Variants in QRICH1 observed in about 807,000 individuals in gnomAD.
The protein encoded by QRICH1 is transcriptional regulator QRICH1.
Under a neutral mutation model 87.1 loss-of-function variants are expected in QRICH1, and 16 were observed. The ratio of observed to expected loss-of-function variants is 0.18; its 90% CI spans 0.12 to 0.28. The LOEUF is 0.28. Ranked by LOEUF, QRICH1 falls within the 10% of genes least tolerant of loss-of-function variation. QRICH1 has a pLI of 1.00. For synonymous variants in QRICH1, 367 were observed against 368.4 expected, an observed-to-expected ratio of 1.00 and a Z score of 0.05; for missense variants, 647 against 951.7, an observed-to-expected ratio of 0.68 and a Z score of 4.21.
At chr3:49,069,055 A>G (rs1470297114) in intron 2 of QRICH1, among the ~76,000 whole-genome samples, 1 of 151,748 alleles carries the variant, frequency 6.6e-6, no homozygotes, top group Non-Finnish European at 1.5e-5. Flanking sequence ...AACTACTTGA[A>G]TAAGGCAAAA....
intron 3 of QRICH1, 175 bp downstream of exon 3, chr3:49,056,685 CTT>C (rs1404916330): frequency 4.2e-6 from 5 of 1,182,982 alleles, no homozygotes; most frequent in Non-Finnish European, 5.9e-6. Flanking sequence ...AGGATAAACT[CTT>C]TTTTCTGTTG....
intron 2 of QRICH1, among the ~76,000 whole-genome samples, chr3:49,069,135 G>A (rs1236860412): frequency 9.7e-6 from 1 of 102,880 alleles, no homozygotes; most frequent in African/African-American, 3.5e-5. Context: ...AGATAGTCTT[G>A]TTCTGTCGCC....
At chr3:49,032,162 C>T (rs752909403) in intron 9 of QRICH1, 21 bp downstream of exon 9, 19 of 1,571,596 alleles carry the variant, frequency 1.2e-5, no homozygotes, top group Non-Finnish European at 1.6e-5. Flanking sequence ...ACATGGACAG[C>T]AAGTCACAAT....
intron 3 of QRICH1, among the ~76,000 whole-genome samples, chr3:49,051,584 G>T (rs921826419): frequency 1.8e-5 from 1 of 57,006 alleles, no homozygotes; most frequent in African/African-American, 6.8e-5. Flanking sequence ...CCCCCCCTGC[G>T]CCCCCCCCCC....
intron 1 of QRICH1, among the ~76,000 whole-genome samples, chr3:49,077,932 C>A (rs1386449475): frequency 6.6e-6 from 1 of 152,038 alleles, no homozygotes; most frequent in East Asian, 1.9e-4. Context: ...TATTTAATTA[C>A]CTTAAGAATT....
intron 3 of QRICH1, among the ~76,000 whole-genome samples, chr3:49,048,329 T>C (rs2093350395): frequency 1.3e-5 from 2 of 151,250 alleles, no homozygotes; most frequent in African/African-American, 4.9e-5. Context: ...ATGGGGTTTC[T>C]CCATGTTGGT....
chr3:49,064,697 A>C (rs1269392987), intron 2 of QRICH1, among the ~76,000 whole-genome samples: 1 of 152,110 alleles, frequency 6.6e-6, no homozygotes, highest in Non-Finnish European at 1.5e-5. Flanking sequence ...AACCCCGTCT[A>C]TACTAAAACA....
intron 1 of QRICH1, among the ~76,000 whole-genome samples, chr3:49,085,463 A>T (rs1015640802): frequency 1.1e-4 from 16 of 152,224 alleles, no homozygotes; most frequent in African/African-American, 3.9e-4. Context: ...AATCTGAAAG[A>T]AACTAAACCT....
chr3:49,088,683 T>C (rs547285908), intron 1 of QRICH1, among the ~76,000 whole-genome samples: 4 of 148,878 alleles, frequency 2.7e-5, no homozygotes, highest in African/African-American at 5.0e-5. Flanking sequence ...TAAAATGCAG[T>C]GGTGCATTCA....
intron 2 of QRICH1, among the ~76,000 whole-genome samples, chr3:49,058,317 A>G (rs893515774): frequency 3.3e-5 from 5 of 151,496 alleles, no homozygotes; most frequent in Non-Finnish European, 7.4e-5. Context: ...TAACAAGGAA[A>G]TATCAAAACT....
At chr3:49,064,689 C>T (rs1009522291) in intron 2 of QRICH1, among the ~76,000 whole-genome samples, 1 of 152,044 alleles carries the variant, frequency 6.6e-6, no homozygotes, top group African/African-American at 2.4e-5. Context: ...CACGGTGAAA[C>T]CCCGTCTATA....
intron 2 of QRICH1, among the ~76,000 whole-genome samples, chr3:49,061,308 CAT>C (rs2093433377): frequency 6.6e-6 from 1 of 152,008 alleles, no homozygotes; most frequent in African/African-American, 2.4e-5. Flanking sequence ...GCTTACTTAA[CAT>C]ATGTTTAATG....
chr3:49,050,957 A>G (rs1001168148), intron 3 of QRICH1, among the ~76,000 whole-genome samples: 1 of 152,088 alleles, frequency 6.6e-6, no homozygotes. Flanking sequence ...GGAGCAACCC[A>G]TCTTTCCCCC....
At chr3:49,071,366 A>T (rs1329694836) in intron 2 of QRICH1, among the ~76,000 whole-genome samples, 1 of 152,068 alleles carries the variant, frequency 6.6e-6, no homozygotes, top group Non-Finnish European at 1.5e-5. Context: ...TAATCTTATG[A>T]GAAAGCGGGG....
chr3:49,041,437 C>T lies in QRICH1; in HGVS notation c.1786+2953G>A, dbSNP rs184549134. Among the ~76,000 whole-genome samples the T allele has an allele frequency of 1.2e-4, 19 of 152,186 alleles. No homozygotes were observed. In the East Asian group the frequency reaches 3.5e-3, roughly 28 times the overall value. ...TGAACTCCTGGGCTCAAGCAATCCT[C>T]TCACCATGGCCTCCCGAAATACTGG... is the stretch of plus-strand genomic sequence containing the variant. On this transcript the variant is annotated intron_variant, in intron 6 of 9. Transcript: ENST00000395443.
At chr3:49,085,604 A>G (rs2042153865) in intron 1 of QRICH1, among the ~76,000 whole-genome samples, 3 of 151,880 alleles carry the variant, frequency 2.0e-5, no homozygotes. Context: ...AAAATACAAA[A>G]AAAATTAGCC....
chr3:49,089,671 C>T (rs750208760), intron 1 of QRICH1, among the ~76,000 whole-genome samples: 2 of 152,154 alleles, frequency 1.3e-5, no homozygotes, highest in African/African-American at 4.8e-5. Flanking sequence ...TGGAAATGAA[C>T]AGCTGCACAC....
intron 2 of QRICH1, among the ~76,000 whole-genome samples, chr3:49,069,187 T>G (rs1178026667): frequency 6.8e-6 from 1 of 147,320 alleles, no homozygotes; most frequent in Non-Finnish European, 1.5e-5. Flanking sequence ...CACAGCAACC[T>G]CCGCCTCCCG....
rs113073230 is a variant in QRICH1, at chr3:49,037,445, T to C, written c.1787-4217A>G. ...GGGGGCAATTAAGATGAACAGTAAATATTAAGGCCAGGCAAGGTGGCTCAC... is the reference window on the plus strand; with the variant it reads ...GGGGGCAATTAAGATGAACAGTAAACATTAAGGCCAGGCAAGGTGGCTCAC... On this transcript the variant is annotated intron_variant, in intron 6 of 9. Transcript: ENST00000395443. Among the ~76,000 whole-genome samples the C allele has an allele frequency of 6.6e-5, 10 of 152,210 alleles. 2 individuals carry two copies. Among genetic ancestry groups the C allele is most frequent in the African/African-American group, 2.4e-4 (10 of 41,554 alleles).
Sources: gnomAD v4.1 joint callset for allele counts (sites outside exome capture counted in the v4.1 genomes callset) on GRCh38, gnomAD v4.1.1 for gene constraint, MANE v1.5 for transcripts, NCBI Gene and HGNC (gene_info 2026-07-23, HGNC 2026-07-21) for gene names.